Variants in SCN3A observed in about 807,000 individuals in gnomAD.
The protein encoded by SCN3A is sodium channel protein type 3 subunit alpha.
Under a neutral mutation model 187.6 loss-of-function variants are expected in SCN3A, and 60 were observed. The observed-to-expected ratio is 0.32, with a 90% CI of 0.26 to 0.40. The LOEUF (loss-of-function observed/expected upper bound fraction) is 0.40. Ranked by LOEUF, SCN3A falls within the 10% of genes least tolerant of loss-of-function variation. SCN3A has a pLI of 1.00. For missense variants in SCN3A, 1,601 were observed against 2,428.2 expected, an observed-to-expected ratio of 0.66 and a Z score of 7.16; for synonymous variants, 788 against 829.2, an observed-to-expected ratio of 0.95 and a Z score of 0.85.
At chr2:165,114,699 T>C (rs1686275861) in intron 19 of SCN3A, among the ~76,000 whole-genome samples, 1 of 152,156 alleles carries the variant, frequency 6.6e-6, no homozygotes, top group Admixed American at 6.5e-5. Flanking sequence ...TACAGTTACA[T>C]CTCAAAACAG....
At chr2:165,190,246 G>A (rs1445862117) in intron 1 of SCN3A, among the ~76,000 whole-genome samples, 4 of 152,184 alleles carry the variant, frequency 2.6e-5, no homozygotes, top group Non-Finnish European at 5.9e-5. Context: ...TTCTTGGGGA[G>A]CTCCAGAGAT....
At chr2:165,148,892 A>T (rs1688510120) in intron 11 of SCN3A, among the ~76,000 whole-genome samples, 1 of 152,174 alleles carries the variant, frequency 6.6e-6, no homozygotes, top group African/African-American at 2.4e-5. Context: ...ATGCAAAATA[A>T]AGTGAATAAA....
At chr2:165,162,254 C>CTTTT in intron 9 of SCN3A, 54 bp downstream of exon 9, 1 of 1,347,486 alleles carries the variant, frequency 7.4e-7, no homozygotes, top group Non-Finnish European at 1.0e-6. Context: ...TTCCTACCTA[C>CTTTT]TTTTTTTTTT....
At chr2:165,154,358 A>G in intron 11 of SCN3A, 94 bp downstream of exon 11, 1 of 1,334,672 alleles carries the variant, frequency 7.5e-7, no homozygotes, top group Non-Finnish European at 1.0e-6. Context: ...ATAAAATGAA[A>G]AAGCAGTTCC....
chr2:165,182,140 G>A (rs999264539), intron 2 of SCN3A, among the ~76,000 whole-genome samples: 1 of 152,186 alleles, frequency 6.6e-6, no homozygotes, highest in Non-Finnish European at 1.5e-5. Context: ...TACGAAAGTA[G>A]TTTAGAGCTC....
At chr2:165,120,310 AC>A (rs1686590268) in intron 18 of SCN3A, among the ~76,000 whole-genome samples, 1 of 151,966 alleles carries the variant, frequency 6.6e-6, no homozygotes, top group Admixed American at 6.6e-5. Context: ...TAGAGTTAAC[AC>A]CCAAAAAAGG....
intron 15 of SCN3A, among the ~76,000 whole-genome samples, chr2:165,133,565 A>G (rs568169439): frequency 6.6e-6 from 1 of 151,486 alleles, no homozygotes; most frequent in Non-Finnish European, 1.5e-5. Context: ...GCCAGTTTCG[A>G]ACTCCTGACC....
In SCN3A at chr2:165,100,293, T is replaced by G. The variant is rs774988079; in HGVS notation, c.3966+9A>C. On this transcript the variant is annotated intron_variant, in intron 22 of 27. Coordinates refer to ENST00000283254, the MANE Select transcript of SCN3A (RefSeq NM_006922.4). ...TGACATGAATAATTAGAGTGTCTATTCTTCTTACCCTCATGCCTTCAAACC... is the reference window on the plus strand; with the variant it reads ...TGACATGAATAATTAGAGTGTCTATGCTTCTTACCCTCATGCCTTCAAACC... 9.9e-6 allele frequency: 16 copies of G among 1,613,282 alleles called. No homozygotes were observed. In the South Asian group the frequency reaches 1.8e-4, roughly 18 times the overall value.
At chr2:165,200,159 C>G (rs138081506) in intron 1 of SCN3A, among the ~76,000 whole-genome samples, 1 of 151,860 alleles carries the variant, frequency 6.6e-6, no homozygotes, top group African/African-American at 2.4e-5. Context: ...TAAAATTAAT[C>G]GAAAATTTAA....
chr2:165,169,201 A>G (rs999278964), intron 4 of SCN3A, among the ~76,000 whole-genome samples: 3 of 151,964 alleles, frequency 2.0e-5, no homozygotes, highest in African/African-American at 7.2e-5. Context: ...TCACTGACTT[A>G]TAAAACGTTA....
At chr2:165,199,883 G>A (rs889960252) in intron 1 of SCN3A, among the ~76,000 whole-genome samples, 8 of 152,040 alleles carry the variant, frequency 5.3e-5, no homozygotes, top group African/African-American at 1.9e-4. Flanking sequence ...CAAAGAATGT[G>A]TTAATTTCAT....
At chr2:165,094,649 T>C (rs1392167043) in intron 25 of SCN3A, among the ~76,000 whole-genome samples, 171 bp from the exon 26 acceptor site, 2 of 152,218 alleles carry the variant, frequency 1.3e-5, no homozygotes, top group East Asian at 1.9e-4. Context: ...CTTAATATTA[T>C]GCAAAATCCT....
At position 165,192,817 on chromosome 2, in the gene SCN3A, C is replaced by A. The variant is rs183222902; in HGVS notation, c.-247-6070G>T. ...TGCTTCTACATTTATTATTAAATTC[C>A]TTGAGGAGAAGGATGTATTGACTAC... On this transcript the variant is annotated intron_variant, in intron 1 of 27. Coordinates refer to ENST00000283254, the MANE Select transcript of SCN3A (RefSeq NM_006922.4). Among the ~76,000 whole-genome samples, 734 of 151,910 alleles carry A rather than the reference C, an allele frequency of 4.8e-3. 5 individuals are homozygous for A. The highest frequency in any genetic ancestry group is 0.017 in the African/African-American group (703 of 41,414).
intron 21 of SCN3A, among the ~76,000 whole-genome samples, chr2:165,105,652 C>T (rs1038957984): frequency 1.3e-5 from 2 of 152,036 alleles, no homozygotes; most frequent in African/African-American, 2.4e-5. Flanking sequence ...AGGAATAGAG[C>T]GCAGGCTTCC....
At chr2:165,094,612 T>C in intron 25 of SCN3A, 134 bp from the exon 26 acceptor site, 1 of 665,390 alleles carries the variant, frequency 1.5e-6, no homozygotes, top group Admixed American at 2.7e-5. Context: ...TATCCTGCTT[T>C]TCCCATTTAT....
intron 3 of SCN3A, among the ~76,000 whole-genome samples, chr2:165,170,994 A>T (rs550673646): frequency 4.6e-5 from 7 of 152,074 alleles, no homozygotes; most frequent in Admixed American, 2.6e-4. Flanking sequence ...TGTAGATTTA[A>T]AATGTTCAAA....
At chr2:165,113,288 C>T (rs1423303845) in intron 20 of SCN3A, among the ~76,000 whole-genome samples, 1 of 152,074 alleles carries the variant, frequency 6.6e-6, no homozygotes, top group Admixed American at 6.5e-5. Context: ...CTTCTCACCC[C>T]TAAGTCTCTA....
chr2:165,182,041 A>G (rs756707263), intron 2 of SCN3A, among the ~76,000 whole-genome samples: 7 of 152,222 alleles, frequency 4.6e-5, no homozygotes, highest in Non-Finnish European at 1.0e-4. Context: ...GATTCCTGCT[A>G]AAGCATTAGC....
intron 1 of SCN3A, among the ~76,000 whole-genome samples, chr2:165,192,832 G>A (rs1488952752): frequency 6.6e-6 from 1 of 152,122 alleles, no homozygotes; most frequent in Non-Finnish European, 1.5e-5. Flanking sequence ...GGAGAAGGAT[G>A]TATTGACTAC....
Sources: gnomAD v4.1 joint callset for allele counts (sites outside exome capture counted in the v4.1 genomes callset) on GRCh38, gnomAD v4.1.1 for gene constraint, MANE v1.5 for transcripts, NCBI Gene and HGNC (gene_info 2026-07-23, HGNC 2026-07-21) for gene names.